Variants in DLC1 observed in about 807,000 individuals in gnomAD.
DLC1 encodes rho GTPase-activating protein 7.
Under a neutral mutation model 140.3 loss-of-function variants are expected in DLC1, and 54 were observed. The observed-to-expected ratio is 0.38, with a 90% CI of 0.31 to 0.48. DLC1 has a LOEUF of 0.48. Ranked by LOEUF, DLC1 falls within the 20% of genes least tolerant of loss-of-function variation. DLC1 has a pLI of 0.96. For synonymous variants in DLC1, 986 were observed against 728.1 expected (o/e 1.35, Z -5.70); for missense variants, 2,536 against 1,907.0 (o/e 1.33, Z -6.14).
intron 5 of DLC1, among the ~76,000 whole-genome samples, chr8:13,154,533 G>A (rs1824102930): frequency 1.3e-5 from 2 of 152,196 alleles, no homozygotes; most frequent in African/African-American, 4.8e-5. Context: ...AACTCGTGCT[G>A]GCCCACGAGT....
intron 2 of DLC1, among the ~76,000 whole-genome samples, chr8:13,408,717 G>A (rs537119079): frequency 3.9e-5 from 6 of 152,256 alleles, no homozygotes; most frequent in African/African-American, 1.2e-4. Context: ...ATAGAATATA[G>A]GATCAGTCCT....
At chr8:13,442,295 C>T (rs895380775) in intron 2 of DLC1, among the ~76,000 whole-genome samples, 6 of 152,162 alleles carry the variant, frequency 3.9e-5, no homozygotes, top group African/African-American at 1.4e-4. Flanking sequence ...TAGGCATGGG[C>T]AAGGACTTCA....
At chr8:13,165,880 C>G (rs1825070921) in intron 5 of DLC1, among the ~76,000 whole-genome samples, 1 of 152,140 alleles carries the variant, frequency 6.6e-6, no homozygotes, top group African/African-American at 2.4e-5. Context: ...TCGTGTCACT[C>G]AGATGGCTAG....
rs1837220725 is a variant in DLC1, at chr8:13,399,939, G to A, written c.1173+1531C>T. Among the ~76,000 whole-genome samples the A allele has an allele frequency of 3.3e-5, 5 of 152,042 alleles. No homozygotes were observed. In the South Asian group the frequency reaches 1.0e-3, roughly 32 times the overall value. On this transcript the variant is annotated intron_variant, in intron 3 of 17. Transcript: ENST00000276297. ...CAGTGAAGTATGAGGATGGGGCAGA[G>A]GCAGTTTGTCCTCTGTATCTGGGTC...
At chr8:13,249,565 A>C (rs948545348) in intron 5 of DLC1, among the ~76,000 whole-genome samples, 9 of 152,060 alleles carry the variant, frequency 5.9e-5, no homozygotes, top group African/African-American at 2.2e-4. Context: ...TGCCTTTCAC[A>C]CAGTCTTCTG....
intron 4 of DLC1, among the ~76,000 whole-genome samples, chr8:13,387,557 C>G (rs1836577771): frequency 6.6e-6 from 1 of 151,650 alleles, no homozygotes; most frequent in Non-Finnish European, 1.5e-5. Context: ...GTTTAATGAT[C>G]ATATGTATGG....
At chr8:13,280,970 T>A (rs1831346547) in intron 5 of DLC1, among the ~76,000 whole-genome samples, 1 of 152,184 alleles carries the variant, frequency 6.6e-6, no homozygotes, top group South Asian at 2.1e-4. Context: ...CAGCATAATA[T>A]ATCTCCCTAA....
intron 1 of DLC1, among the ~76,000 whole-genome samples, chr8:13,543,538 A>G (rs1417307603): frequency 6.6e-6 from 1 of 152,198 alleles, no homozygotes; most frequent in Non-Finnish European, 1.5e-5. Context: ...TTGCAGAGAT[A>G]TGGAACCAAC....
At position 13,099,875 on chromosome 8, in the gene DLC1, G is replaced by A. The variant is rs1174477487; in HGVS notation, c.2462C>T (p.Ala821Val). 12 of 1,614,226 alleles carry A rather than the reference G, an allele frequency of 7.4e-6. No individual in the cohort carries two copies. Among genetic ancestry groups the A allele is most frequent in the Non-Finnish European group, 1.0e-5 (12 of 1,180,050 alleles). Residue 821 changes from alanine (A) to valine (V), a missense_variant, in exon 9 of 18, where the codon GCT (alanine) becomes GTT (valine). Ala to Val is a moderately conservative substitution (Grantham distance 64). Transcript: ENST00000276297. The stretch of plus-strand genomic sequence containing the variant: ...GGGGGAGAAACTGCCATTGGTGAGA[G>A]CTTTGGGGAAAGTGCCAGGCTTGTG... Reference protein sequence around the residue: ...EDHKPGTFPKALTNGSFSPSG... With the variant: ...EDHKPGTFPKVLTNGSFSPSG...
At chr8:13,566,367 C>T (rs1326804298) in intron 1 of DLC1, among the ~76,000 whole-genome samples, 1 of 149,814 alleles carries the variant, frequency 6.7e-6, no homozygotes, top group African/African-American at 2.5e-5. Flanking sequence ...CTCCCCACCC[C>T]CGACCCCGCC....
chr8:13,124,769 A>G (rs1389832226), intron 5 of DLC1, among the ~76,000 whole-genome samples: 1 of 152,068 alleles, frequency 6.6e-6, no homozygotes, highest in Non-Finnish European at 1.5e-5. Flanking sequence ...CTTTATGCCC[A>G]TTTCACCTTC....
chr8:13,571,228 C>A (rs796452680), intron 1 of DLC1, among the ~76,000 whole-genome samples: 10 of 152,116 alleles, frequency 6.6e-5, no homozygotes, highest in African/African-American at 2.4e-4. Context: ...ATCTACATAA[C>A]AGAAATTTGC....
intron 5 of DLC1, among the ~76,000 whole-genome samples, chr8:13,116,546 C>A (rs1157123167): frequency 6.6e-6 from 1 of 152,196 alleles, no homozygotes; most frequent in East Asian, 1.9e-4. Context: ...AAGGTCTCAA[C>A]ATTGCATAAT....
At chr8:13,597,888 A>G (rs1326675733) in intron 1 of DLC1, among the ~76,000 whole-genome samples, 3 of 152,116 alleles carry the variant, frequency 2.0e-5, no homozygotes, top group African/African-American at 4.8e-5. Context: ...TGTATTATAT[A>G]TACAATAAGG....
intron 5 of DLC1, among the ~76,000 whole-genome samples, chr8:13,126,775 C>A (rs1253110980): frequency 2.0e-5 from 3 of 152,206 alleles, no homozygotes; most frequent in Non-Finnish European, 4.4e-5. Flanking sequence ...CGAGGGGCAT[C>A]TCCCGCAACA....
At chr8:13,451,942 C>T (rs1445988720) in intron 2 of DLC1, among the ~76,000 whole-genome samples, 1 of 152,078 alleles carries the variant, frequency 6.6e-6, no homozygotes, top group Admixed American at 6.6e-5. Flanking sequence ...TGAGGAACTT[C>T]CAAACTGTTC....
At chr8:13,489,674 T>G (rs746827463) in intron 2 of DLC1, among the ~76,000 whole-genome samples, 14 of 152,180 alleles carry the variant, frequency 9.2e-5, no homozygotes, top group Non-Finnish European at 1.6e-4. Flanking sequence ...CCAGGCAGTT[T>G]GGCTTCAGAG....
intron 2 of DLC1, among the ~76,000 whole-genome samples, chr8:13,493,139 G>T (rs180974972): frequency 0.014 from 2,096 of 152,254 alleles, 49 homozygotes; most frequent in Non-Finnish European, 0.019. Context: ...AAGGGGATTT[G>T]GGAAGCACAA....
intron 4 of DLC1, among the ~76,000 whole-genome samples, chr8:13,384,635 C>G (rs983089589): frequency 1.1e-4 from 16 of 151,824 alleles, no homozygotes; most frequent in Admixed American, 3.3e-4. Context: ...AATGATCTAC[C>G]TAAAACCCTG....
Sources: gnomAD v4.1 joint callset for allele counts (sites outside exome capture counted in the v4.1 genomes callset) on GRCh38, gnomAD v4.1.1 for gene constraint, MANE v1.5 for transcripts, NCBI Gene and HGNC (gene_info 2026-07-23, HGNC 2026-07-21) for gene names.